Variants in BABAM2 observed in about 807,000 individuals in gnomAD.
The protein encoded by BABAM2 is BRISC and BRCA1-A complex member 2.
A neutral mutation model predicts 54.7 loss-of-function variants in BABAM2; 31 were observed. The ratio of observed to expected loss-of-function variants is 0.57; its 90% CI spans 0.43 to 0.77. The LOEUF is 0.77. Among genes scored for constraint, BABAM2 ranks in the 30% least tolerant of loss-of-function variants. The probability of loss-of-function intolerance (pLI) is 0.00; values close to 1 mark genes in which losing one functional copy is unlikely to be tolerated. For synonymous variants in BABAM2, 167 were observed against 162.9 expected, an observed-to-expected ratio of 1.03 and a Z score of -0.19; for missense variants, 364 against 455.8, an observed-to-expected ratio of 0.80 and a Z score of 1.83.
At chr2:27,956,349 A>C (rs1464523899) in intron 3 of BABAM2, among the ~76,000 whole-genome samples, 1 of 152,148 alleles carries the variant, frequency 6.6e-6, no homozygotes, top group Admixed American at 6.5e-5. Context: ...AAACACCCCA[A>C]ATCCTGATAG....
intron 3 of BABAM2, among the ~76,000 whole-genome samples, chr2:27,952,697 G>A (rs560061262): frequency 3.2e-4 from 48 of 152,248 alleles, no homozygotes; most frequent in Admixed American, 9.8e-4. Context: ...AATGTTACAG[G>A]CACTCCAGAC....
intron 4 of BABAM2, among the ~76,000 whole-genome samples, chr2:28,024,497 C>G (rs561836263): frequency 6.6e-6 from 1 of 152,014 alleles, no homozygotes; most frequent in Non-Finnish European, 1.5e-5. Flanking sequence ...ATATTCTGTG[C>G]GACACAATGA....
chr2:28,225,037 A>T (rs1680761801), intron 7 of BABAM2, among the ~76,000 whole-genome samples: 1 of 152,174 alleles, frequency 6.6e-6, no homozygotes, highest in Non-Finnish European at 1.5e-5. Context: ...GAGAAAGAAA[A>T]CAGAGCTTAG....
At chr2:27,974,776 ATATGGAT>A (rs907197073) in intron 3 of BABAM2, among the ~76,000 whole-genome samples, 4 of 152,138 alleles carry the variant, frequency 2.6e-5, no homozygotes, top group African/African-American at 9.6e-5. Context: ...AATAAAAGGC[ATATGGAT>A]TGGAAAGGAA....
At chr2:28,095,923 G>A (rs1232522506) in intron 6 of BABAM2, among the ~76,000 whole-genome samples, 1 of 152,166 alleles carries the variant, frequency 6.6e-6, no homozygotes, top group Non-Finnish European at 1.5e-5. Flanking sequence ...GTCCAAAATA[G>A]ACATTAGTGG....
At position 28,025,210 on chromosome 2, in the gene BABAM2, G is replaced by C; in HGVS notation, c.301-16G>C. 6.4e-7 allele frequency: 1 copy of C among 1,567,704 alleles called. No individual in the cohort carries two copies. Among genetic ancestry groups the C allele is most frequent in the Non-Finnish European group, 8.6e-7 (1 of 1,162,428 alleles). ...TTCAGTTTTAACTGGTCTTTTATTT[G>C]TTACGACTTCTACAGAATCTTGCCT... On this transcript the variant is annotated splice_polypyrimidine_tract_variant and intron_variant, in intron 4 of 11. Coordinates refer to ENST00000379624, the MANE Select transcript of BABAM2 (RefSeq NM_199191.3).
At chr2:28,090,329 C>G (rs143013881) in intron 6 of BABAM2, among the ~76,000 whole-genome samples, 6,585 of 152,262 alleles carry the variant, frequency 0.043, 191 homozygotes, top group Middle Eastern at 0.095. Flanking sequence ...ACCGCAACCT[C>G]CCCCTCCTGG....
chr2:27,982,460 A>C (rs1029238868), intron 3 of BABAM2, among the ~76,000 whole-genome samples: 3 of 151,002 alleles, frequency 2.0e-5, no homozygotes, highest in African/African-American at 7.3e-5. Flanking sequence ...TCCTTGAAGA[A>C]TCTTGTAGTT....
intron 6 of BABAM2, among the ~76,000 whole-genome samples, chr2:28,101,996 G>T (rs943771642): frequency 9.2e-5 from 14 of 152,126 alleles, no homozygotes; most frequent in Non-Finnish European, 1.9e-4. Flanking sequence ...AAAAATCTTG[G>T]TATCAATTGT....
chr2:28,086,406 T>C (rs1301738759), intron 6 of BABAM2, among the ~76,000 whole-genome samples: 1 of 152,224 alleles, frequency 6.6e-6, no homozygotes, highest in Non-Finnish European at 1.5e-5. Flanking sequence ...AATTTAGACC[T>C]CAACGTAAAC....
intron 6 of BABAM2, among the ~76,000 whole-genome samples, chr2:28,082,697 A>T (rs1043129406): frequency 6.6e-6 from 1 of 152,296 alleles, no homozygotes; most frequent in South Asian, 2.1e-4. Flanking sequence ...GTATTTTACT[A>T]GTAGACTCTA....
intron 3 of BABAM2, among the ~76,000 whole-genome samples, chr2:27,978,357 T>C (rs767834657): frequency 3.3e-5 from 5 of 152,246 alleles, no homozygotes; most frequent in Non-Finnish European, 7.3e-5. Flanking sequence ...CCATGCTTCC[T>C]GTACAGCCTG....
At chr2:28,160,294 A>G (rs1156616406) in intron 7 of BABAM2, among the ~76,000 whole-genome samples, 1 of 152,196 alleles carries the variant, frequency 6.6e-6, no homozygotes, top group Admixed American at 6.5e-5. Context: ...ATTGGTTTTT[A>G]GTATATTCTT....
chr2:28,100,131 C>T (rs1666953300), intron 6 of BABAM2, among the ~76,000 whole-genome samples: 1 of 151,014 alleles, frequency 6.6e-6, no homozygotes, highest in African/African-American at 2.4e-5. Flanking sequence ...TTGATTTTTT[C>T]TTTAAGAGGC....
intron 10 of BABAM2, among the ~76,000 whole-genome samples, chr2:28,260,553 C>T (rs531569581): frequency 4.6e-5 from 7 of 152,026 alleles, no homozygotes; most frequent in African/African-American, 7.2e-5. Context: ...CCACCCACCT[C>T]GGCCTCCCAA....
Position 28,198,461 on chromosome 2 carries a change from T to C in BABAM2, c.681-38741T>C, listed in dbSNP as rs376975919. ...GATTACAGGCGTGAGCCACCGCGCC[T>C]GGCCAGGACAGCTTTAAAGGAAATT... is the stretch of plus-strand genomic sequence containing the variant. On this transcript the variant is annotated intron_variant, in intron 7 of 11. Coordinates refer to ENST00000379624, the MANE Select transcript of BABAM2 (RefSeq NM_199191.3). Among the ~76,000 whole-genome samples, 34 of 152,246 alleles carry C rather than the reference T, an allele frequency of 2.2e-4. 1 individual carries two copies. In the South Asian group the frequency reaches 6.2e-3, roughly 28 times the overall value.
chr2:28,284,215 A>G (rs1171924097), intron 10 of BABAM2, among the ~76,000 whole-genome samples: 3 of 152,220 alleles, frequency 2.0e-5, no homozygotes, highest in South Asian at 2.1e-4. Flanking sequence ...CAGAATTGCT[A>G]TCAAAGAGGA....
At chr2:28,281,068 C>G (rs531628687) in intron 10 of BABAM2, among the ~76,000 whole-genome samples, 83 of 152,164 alleles carry the variant, frequency 5.5e-4, no homozygotes, top group African/African-American at 2.0e-3. Context: ...TCCTTAAATG[C>G]TCTGTGTATA....
At chr2:28,269,580 A>C (rs1270101523) in intron 10 of BABAM2, among the ~76,000 whole-genome samples, 1 of 152,186 alleles carries the variant, frequency 6.6e-6, no homozygotes, top group African/African-American at 2.4e-5. Flanking sequence ...CCCTTCTCAT[A>C]CAGCAAACCT....
Sources: allele counts gnomAD v4.1 joint callset (sites outside exome capture counted in the v4.1 genomes callset), GRCh38; gene constraint gnomAD v4.1.1; transcripts MANE v1.5; gene names NCBI Gene and HGNC (gene_info 2026-07-23, HGNC 2026-07-21).